Variants in TNIK observed in about 807,000 individuals in gnomAD.
TNIK encodes the protein TRAF2 and NCK interacting kinase.
In TNIK, 49 loss-of-function variants were observed where a neutral mutation model predicts 191.3. The observed-to-expected ratio is 0.26, with a 90% CI of 0.20 to 0.32. The LOEUF is 0.32. Among genes scored for constraint, TNIK ranks in the 10% least tolerant of loss-of-function variants. The pLI, the probability that TNIK is intolerant of heterozygous loss-of-function variation, is 1.00. For synonymous variants in TNIK, 594 were observed against 600.9 expected, an observed-to-expected ratio of 0.99 and a Z score of 0.17; for missense variants, 1,155 against 1,702.3, an observed-to-expected ratio of 0.68 and a Z score of 5.66.
intron 1 of TNIK, among the ~76,000 whole-genome samples, chr3:171,376,007 G>A (rs554573205): frequency 2.6e-5 from 4 of 152,066 alleles, no homozygotes; most frequent in East Asian, 3.9e-4. Flanking sequence ...TGCTACCCCC[G>A]GATTCCCTAT....
chr3:171,455,594 T>C (rs1728702294), intron 1 of TNIK, among the ~76,000 whole-genome samples: 1 of 152,190 alleles, frequency 6.6e-6, no homozygotes, highest in South Asian at 2.1e-4. Context: ...ATGGTATCAA[T>C]TTTCCCACTA....
chr3:171,344,892 GACTA>G (rs1321699394), intron 2 of TNIK, among the ~76,000 whole-genome samples: 2 of 152,026 alleles, frequency 1.3e-5, no homozygotes, highest in African/African-American at 2.4e-5. Context: ...TTCTCATAAG[GACTA>G]AATGATTTAG....
At chr3:171,201,786 T>C (rs2108872966) in intron 4 of TNIK, among the ~76,000 whole-genome samples, 1 of 152,364 alleles carries the variant, frequency 6.6e-6, no homozygotes. Context: ...CATTCATTTT[T>C]AAACTAGCAT....
intron 1 of TNIK, among the ~76,000 whole-genome samples, chr3:171,372,202 C>T (rs1345271851): frequency 3.9e-5 from 6 of 152,182 alleles, no homozygotes; most frequent in Non-Finnish European, 8.8e-5. Context: ...TATGTCCCAA[C>T]CAATCAAAAC....
At chr3:171,352,594 CA>C (rs1455937633) in intron 2 of TNIK, among the ~76,000 whole-genome samples, 1 of 152,152 alleles carries the variant, frequency 6.6e-6, no homozygotes, top group African/African-American at 2.4e-5. Flanking sequence ...CTTTACAGTA[CA>C]GTTTAATGAA....
chr3:171,360,435 C>G (rs1352193480), intron 2 of TNIK, among the ~76,000 whole-genome samples: 1 of 152,192 alleles, frequency 6.6e-6, no homozygotes, highest in Non-Finnish European at 1.5e-5. Flanking sequence ...TGGAGGTTAT[C>G]CAGACTAGTG....
Position 171,139,488 on chromosome 3 carries a change from A to G in TNIK, c.1401T>C (p.His467=), listed in dbSNP as rs1176976981. 1.9e-5 allele frequency: 31 copies of G among 1,613,128 alleles called. No individual in the cohort carries two copies. Among genetic ancestry groups the G allele is most frequent in the Non-Finnish European group, 2.5e-5 (29 of 1,179,448 alleles). Residue 467 remains histidine, a synonymous_variant, in exon 14 of 33, where the codon CAT becomes CAC. Transcript: ENST00000436636. ...TCATTACCAGAAGTAGAGCTTGTTCATGCAGTAGCTGCTGCTGCAAGATCT... is the reference window on the plus strand; with the variant it reads ...TCATTACCAGAAGTAGAGCTTGTTCGTGCAGTAGCTGCTGCTGCAAGATCT... ...QLEILQQQLL[H]EQALLLEYKR...
intron 2 of TNIK, among the ~76,000 whole-genome samples, chr3:171,280,753 C>T (rs753517218): frequency 1.1e-4 from 16 of 151,708 alleles, no homozygotes; most frequent in Non-Finnish European, 2.1e-4. Flanking sequence ...TGATATATAA[C>T]ATTATATAAA....
chr3:171,347,346 A>C (rs1712387861), intron 2 of TNIK: 2 of 929,308 alleles, frequency 2.2e-6, no homozygotes, highest in South Asian at 3.4e-5. Context: ...CTGGTATACA[A>C]GTCCTAAGTG....
At chr3:171,260,117 G>C (rs1747413088) in intron 2 of TNIK, among the ~76,000 whole-genome samples, 1 of 152,070 alleles carries the variant, frequency 6.6e-6, no homozygotes, top group South Asian at 2.1e-4. Flanking sequence ...CCATGCCCCA[G>C]GTGATGTCTG....
chr3:171,379,432 A>T (rs1717713246), intron 1 of TNIK, among the ~76,000 whole-genome samples: 1 of 152,190 alleles, frequency 6.6e-6, no homozygotes, highest in Non-Finnish European at 1.5e-5. Flanking sequence ...ATCCTTTGTC[A>T]GCTGCTGGGA....
chr3:171,312,004 CA>C (rs1386153085), intron 2 of TNIK, among the ~76,000 whole-genome samples: 2 of 150,808 alleles, frequency 1.3e-5, no homozygotes, highest in African/African-American at 4.9e-5. Context: ...TGCGCCTGCC[CA>C]CCCACCACAA....
chr3:171,384,867 T>C (rs573620389), intron 1 of TNIK, among the ~76,000 whole-genome samples: 1 of 152,380 alleles, frequency 6.6e-6, no homozygotes, highest in African/African-American at 2.4e-5. Flanking sequence ...TAATATTTTT[T>C]AGCCTTTGGT....
chr3:171,436,455 A>G (rs1455797905), intron 1 of TNIK, among the ~76,000 whole-genome samples: 1 of 152,240 alleles, frequency 6.6e-6, no homozygotes, highest in Admixed American at 6.5e-5. Context: ...CAATAGTCCT[A>G]TGTGTACTGT....
chr3:171,105,582 T>C (rs766314636), intron 21 of TNIK, among the ~76,000 whole-genome samples: 37 of 151,286 alleles, frequency 2.4e-4, no homozygotes, highest in Non-Finnish European at 4.7e-4. Context: ...CCAGAGATTT[T>C]AGTATGCAGC....
rs1221953230 is a variant in TNIK at position 171,193,667 on chromosome 3, A to G, written c.417+858T>C. On this transcript the variant is annotated intron_variant, in intron 5 of 32. Transcript: ENST00000436636. ...TCCATCCACCCAAAGCATACAATCT[A>G]TCTCTCAAAGGCATATCTTGAACAC... Among the ~76,000 whole-genome samples the G allele has an allele frequency of 1.1e-4, 16 of 152,334 alleles. No individual in the cohort carries two copies. In the East Asian group the frequency reaches 3.1e-3, roughly 29 times the overall value.
intron 18 of TNIK, among the ~76,000 whole-genome samples, chr3:171,120,719 G>T (rs1159727765): frequency 6.6e-6 from 1 of 152,112 alleles, no homozygotes; most frequent in African/African-American, 2.4e-5. Flanking sequence ...TCTCTAAGTG[G>T]TGACTTGGGG....
At chr3:171,405,548 C>T (rs999541067) in intron 1 of TNIK, among the ~76,000 whole-genome samples, 1 of 147,290 alleles carries the variant, frequency 6.8e-6, no homozygotes, top group Non-Finnish European at 1.5e-5. Context: ...ACAGAGGCAA[C>T]ACACCGAGTT....
At position 171,367,353 on chromosome 3, in the gene TNIK, T is replaced by C. The variant is rs139776518; in HGVS notation, c.123+2267A>G. On this transcript the variant is annotated intron_variant, in intron 2 of 32. Coordinates refer to ENST00000436636, the MANE Select transcript of TNIK (RefSeq NM_015028.4). ...ATTAGTGGCCTCAGGAAACACAGGGTCTGCTCATGAGCAGTGCCACCTAAC... is the reference window on the plus strand; with the variant it reads ...ATTAGTGGCCTCAGGAAACACAGGGCCTGCTCATGAGCAGTGCCACCTAAC... Among the ~76,000 whole-genome samples, 588 of 152,126 alleles carry C rather than the reference T, an allele frequency of 3.9e-3. 3 individuals carry two copies. Among genetic ancestry groups the C allele is most frequent in the African/African-American group, 0.014 (561 of 41,514 alleles).
Sources: gnomAD v4.1 joint callset for allele counts (sites outside exome capture counted in the v4.1 genomes callset) on GRCh38, gnomAD v4.1.1 for gene constraint, MANE v1.5 for transcripts, NCBI Gene and HGNC (gene_info 2026-07-23, HGNC 2026-07-21) for gene names.